Variants in MYO6 observed in about 807,000 individuals in gnomAD.
The protein encoded by MYO6 is myosin VI.
A neutral mutation model predicts 178.7 loss-of-function variants in MYO6; 74 were observed. The ratio of observed to expected loss-of-function variants is 0.41; its 90% CI spans 0.34 to 0.50. The LOEUF (loss-of-function observed/expected upper bound fraction) is 0.50, where lower values mean the gene tolerates loss of function less well. Among genes scored for constraint, MYO6 ranks in the 20% least tolerant of loss-of-function variants. The probability of loss-of-function intolerance (pLI) is 0.09; values close to 1 mark genes in which losing one functional copy is unlikely to be tolerated. For missense variants in MYO6, 1,330 were observed against 1,547.4 expected, an observed-to-expected ratio of 0.86 and a Z score of 2.36; for synonymous variants, 477 against 504.6, an observed-to-expected ratio of 0.95 and a Z score of 0.73.
chr6:75,834,159 G>C (rs779913274), intron 6 of MYO6, among the ~76,000 whole-genome samples: 1 of 151,818 alleles, frequency 6.6e-6, no homozygotes, highest in Non-Finnish European at 1.5e-5. Flanking sequence ...CTCCTAATGT[G>C]TTCTCTTTGC....
At chr6:75,815,233 A>G (rs1771099851) in intron 1 of MYO6, among the ~76,000 whole-genome samples, 1 of 152,194 alleles carries the variant, frequency 6.6e-6, no homozygotes, top group African/African-American at 2.4e-5. Context: ...TAAGGAAGTG[A>G]TATGAATTTG....
intron 2 of MYO6, among the ~76,000 whole-genome samples, chr6:75,820,807 C>G (rs1240289812): frequency 6.6e-6 from 1 of 152,110 alleles, no homozygotes; most frequent in African/African-American, 2.4e-5. Context: ...CTGTTGACTA[C>G]TTTTTCCTTT....
chr6:75,894,858 T>TCC (rs1779173296), intron 28 of MYO6: 1 of 1,439,504 alleles, frequency 6.9e-7, no homozygotes, highest in African/African-American at 1.4e-5. Flanking sequence ...TTGTTTTCTA[T>TCC]GTATGTCATA....
chr6:75,796,382 C>A (rs1478400749), intron 1 of MYO6, among the ~76,000 whole-genome samples: 1 of 152,132 alleles, frequency 6.6e-6, no homozygotes, highest in Non-Finnish European at 1.5e-5. Flanking sequence ...ACATTTATGT[C>A]CAGTATTTCA....
intron 11 of MYO6, among the ~76,000 whole-genome samples, chr6:75,852,347 A>T (rs1042539812): frequency 1.3e-5 from 2 of 151,726 alleles, no homozygotes; most frequent in Non-Finnish European, 2.9e-5. Flanking sequence ...TTTTGGTAGG[A>T]GCTTTATTGA....
At chr6:75,796,998 C>T (rs1304486788) in intron 1 of MYO6, among the ~76,000 whole-genome samples, 5 of 152,070 alleles carry the variant, frequency 3.3e-5, no homozygotes, top group East Asian at 1.9e-4. Context: ...TTATGGACAC[C>T]GAGGTTGATT....
At chr6:75,863,613 G>C (rs896397165) in intron 16 of MYO6, among the ~76,000 whole-genome samples, 1 of 152,018 alleles carries the variant, frequency 6.6e-6, no homozygotes, top group Non-Finnish European at 1.5e-5. Flanking sequence ...AGCCTCCTGA[G>C]TAACTGGGAT....
intron 10 of MYO6, among the ~76,000 whole-genome samples, chr6:75,846,616 A>G (rs948205073): frequency 3.1e-4 from 47 of 152,164 alleles, no homozygotes; most frequent in Admixed American, 5.9e-4. Flanking sequence ...TTATTATTGT[A>G]TCTTTCTTTG....
In MYO6 at chr6:75,881,754, C is replaced by A; in HGVS notation, c.2352C>A (p.Val784=). The part of the protein sequence containing the change: ...PDHLAELVKR[V]NHWLTCSRWK... ...ACTTAGCAGAGTTGGTTAAAAGAGT[C>A]AATCACTGGCTCACATGCAGTCGCT... Residue 784 remains valine, a synonymous_variant, in exon 23 of 35, where the codon GTC becomes GTA. Transcript: ENST00000369977. 1 of 1,614,022 alleles carries A rather than the reference C, an allele frequency of 6.2e-7. No homozygotes were observed. The highest frequency in any genetic ancestry group is 8.5e-7 in the Non-Finnish European group (1 of 1,179,910).
rs897592158 is a variant in MYO6, at chr6:75,919,227, C to T, written c.*4215C>T. 1.3e-5 allele frequency: 2 copies of T among 152,152 alleles called. No individual in the cohort carries two copies. The highest frequency in any genetic ancestry group is 2.9e-5 in the Non-Finnish European group (2 of 68,050). The allele number at this position is 152,152 out of a possible 1,614,324, so 9.4% of individuals were successfully genotyped here. ...TGTACCTAACACCCAGAGAAGCATACATTGTGCCCAGTAGGTAATTTTTCA... is the reference window on the plus strand; with the variant it reads ...TGTACCTAACACCCAGAGAAGCATATATTGTGCCCAGTAGGTAATTTTTCA... On this transcript the variant is annotated 3_prime_UTR_variant, in exon 35 of 35. Coordinates refer to ENST00000369977, the MANE Select transcript of MYO6 (RefSeq NM_004999.4).
chr6:75,757,323 G>A lies in MYO6; in HGVS notation c.-48+7900G>A, dbSNP rs1304634397. Among the ~76,000 whole-genome samples the A allele has an allele frequency of 2.0e-5, 3 of 147,282 alleles. No homozygotes were observed. In the East Asian group the frequency reaches 6.1e-4, roughly 30 times the overall value. ...ATGTATACACACACATATACATATA[G>A]AACATATATACATATACATATAGAA... On this transcript the variant is annotated intron_variant, in intron 1 of 34. Transcript: ENST00000369977.
chr6:75,869,421 T>A (rs1280506420), intron 18 of MYO6, among the ~76,000 whole-genome samples: 1 of 152,180 alleles, frequency 6.6e-6, no homozygotes, highest in Non-Finnish European at 1.5e-5. Flanking sequence ...GGCAAGTTAT[T>A]TATTTCCTTG....
intron 1 of MYO6, among the ~76,000 whole-genome samples, chr6:75,750,365 G>A (rs981055191): frequency 6.6e-6 from 1 of 151,978 alleles, no homozygotes; most frequent in Admixed American, 6.6e-5. Context: ...AAAGTGCTGG[G>A]ATTACAGGCG....
Position 75,756,758 on chromosome 6 carries a change from A to G in MYO6, c.-48+7335A>G, listed in dbSNP as rs1777393157. ...GTGCTGGTGTTATGACCTTCATTTT[A>G]CAGATTAGGAAACTGAGGGGCAGAG... On this transcript the variant is annotated intron_variant, in intron 1 of 34. Coordinates refer to ENST00000369977, the MANE Select transcript of MYO6 (RefSeq NM_004999.4). Among the ~76,000 whole-genome samples the G allele has an allele frequency of 2.0e-5, 3 of 152,106 alleles. No individual in the cohort carries two copies. The South Asian group carries it at 6.2e-4, about 32-fold the overall frequency.
chr6:75,863,832 A>G (rs555353896), intron 16 of MYO6, among the ~76,000 whole-genome samples: 64 of 151,932 alleles, frequency 4.2e-4, no homozygotes, highest in African/African-American at 1.5e-3. Context: ...GCTGTGCTTG[A>G]GTCTTTAGAG....
intron 30 of MYO6, among the ~76,000 whole-genome samples, chr6:75,899,976 A>G (rs1353924700): frequency 6.8e-6 from 1 of 146,896 alleles, no homozygotes; most frequent in Non-Finnish European, 1.5e-5. Flanking sequence ...ATGAGTGAGA[A>G]TATGTGGTGT....
intron 16 of MYO6, among the ~76,000 whole-genome samples, chr6:75,863,805 T>C (rs1430821818): frequency 6.6e-6 from 1 of 152,150 alleles, no homozygotes; most frequent in East Asian, 1.9e-4. Flanking sequence ...GTTTCTGAAC[T>C]GCTGTTAGGT....
intron 7 of MYO6, among the ~76,000 whole-genome samples, chr6:75,839,329 C>T (rs1393112727): frequency 6.6e-6 from 1 of 152,036 alleles, no homozygotes; most frequent in South Asian, 2.1e-4. Context: ...GCTGGGACTA[C>T]AGGCACCTGC....
intron 6 of MYO6, among the ~76,000 whole-genome samples, chr6:75,834,834 C>T (rs765449747): frequency 6.6e-6 from 1 of 152,184 alleles, no homozygotes; most frequent in African/African-American, 2.4e-5. Context: ...TATACATACA[C>T]ACAATTCTGG....
Sources: gnomAD v4.1 joint callset for allele counts (sites outside exome capture counted in the v4.1 genomes callset) on GRCh38, gnomAD v4.1.1 for gene constraint, MANE v1.5 for transcripts, NCBI Gene and HGNC (gene_info 2026-07-23, HGNC 2026-07-21) for gene names.